The following HABP2 variants were observed in gnomAD, a reference collection of about 807,000 sequenced individuals.
The protein encoded by HABP2 is factor VII-activating protease.
A neutral mutation model predicts 66.5 loss-of-function variants in HABP2; 65 were observed. The observed-to-expected ratio is 0.98, with a 90% CI of 0.80 to 1.20. The LOEUF (loss-of-function observed/expected upper bound fraction) is 1.20, where lower values mean the gene tolerates loss of function less well. HABP2 is among the 50% of genes most tolerant of loss of function. The pLI, the probability that HABP2 is intolerant of heterozygous loss-of-function variation, is 0.00. For synonymous variants in HABP2, 263 were observed against 253.9 expected, an observed-to-expected ratio of 1.04 and a Z score of -0.34; for missense variants, 786 against 691.0, an observed-to-expected ratio of 1.14 and a Z score of -1.54.
At chr10:113,587,579 T>G (rs1564682856) in intron 12 of HABP2, among the ~76,000 whole-genome samples, 1 of 152,196 alleles carries the variant, frequency 6.6e-6, no homozygotes, top group Non-Finnish European at 1.5e-5. Context: ...TCAGTTGTAG[T>G]GTTTAAGCAG....
intron 12 of HABP2, among the ~76,000 whole-genome samples, chr10:113,587,700 TACAA>T (rs1845675975): frequency 1.3e-5 from 2 of 152,276 alleles, no homozygotes; most frequent in African/African-American, 2.4e-5. Context: ...CTATATACTT[TACAA>T]ACAATCTTCA....
rs1845571159 is a variant in HABP2 at position 113,583,155 on chromosome 10, C to A, written c.1095-61C>A. ...CTGAGTCTGCAGAAGGTCAGATTTGCCAAAGGCCACACAGCTGAGCAGAAA... is the reference window on the plus strand; with the variant it reads ...CTGAGTCTGCAGAAGGTCAGATTTGACAAAGGCCACACAGCTGAGCAGAAA... On this transcript the variant is annotated intron_variant, in intron 9 of 12. Coordinates refer to ENST00000351270, the MANE Select transcript of HABP2 (RefSeq NM_004132.5). 10 of 1,535,796 alleles carry A rather than the reference C, an allele frequency of 6.5e-6. No individual in the cohort carries two copies. The African/African-American group carries it at 8.3e-5, about 13-fold the overall frequency.
Position 113,589,439 on chromosome 10 carries a change from G to T in HABP2, c.*1070G>T. On this transcript the variant is annotated 3_prime_UTR_variant, in exon 13 of 13. Transcript: ENST00000351270. ...TAGCCCCGGTAGGTTTGCCTCTGCAGAACTAATGGCTGTGACTTCAGAGAA... is the reference window on the plus strand; with the variant it reads ...TAGCCCCGGTAGGTTTGCCTCTGCATAACTAATGGCTGTGACTTCAGAGAA... The T allele has an allele frequency of 1.6e-6, 1 of 608,844 alleles. No individual in the cohort carries two copies. The highest frequency in any genetic ancestry group is 2.8e-6 in the Non-Finnish European group (1 of 350,900). 37.7% of individuals were successfully genotyped at this position (608,844 alleles called of 1,614,324 possible). A position where few individuals can be genotyped will look rare whatever the true frequency, so the allele number is the denominator to read the frequency against.
At chr10:113,570,861 TA>T (rs1207538406) in intron 2 of HABP2, among the ~76,000 whole-genome samples, 1 of 152,226 alleles carries the variant, frequency 6.6e-6, no homozygotes, top group African/African-American at 2.4e-5. Flanking sequence ...ACTCTGGGGT[TA>T]AAAGAGGAAT....
At chr10:113,561,661 G>A (rs373052320) in intron 1 of HABP2, among the ~76,000 whole-genome samples, 8 of 152,062 alleles carry the variant, frequency 5.3e-5, no homozygotes, top group African/African-American at 1.9e-4. Flanking sequence ...ATTCGGAGCT[G>A]AGCCTCTGTC....
intron 1 of HABP2, among the ~76,000 whole-genome samples, chr10:113,553,917 T>C (rs1387329280): frequency 6.6e-6 from 1 of 152,110 alleles, no homozygotes; most frequent in Non-Finnish European, 1.5e-5. Flanking sequence ...TGGATCTCTG[T>C]GGGCATGGAA....
chr10:113,583,404 G>A, intron 10 of HABP2, 46 bp downstream of exon 10: 9 of 1,571,716 alleles, frequency 5.7e-6, no homozygotes, highest in Non-Finnish European at 7.9e-6. Context: ...GTCCTGGGTG[G>A]ATTTCTCTAT....
At chr10:113,570,323 TAAC>T (rs1845282193) in intron 2 of HABP2, among the ~76,000 whole-genome samples, 1 of 152,264 alleles carries the variant, frequency 6.6e-6, no homozygotes, top group Non-Finnish European at 1.5e-5. Context: ...CAACACATTA[TAAC>T]CTATTATTAG....
At chr10:113,569,760 T>C (rs1845269909) in intron 2 of HABP2, 1 of 152,046 alleles carries the variant, frequency 6.6e-6, no homozygotes, top group South Asian at 2.1e-4. Flanking sequence ...CCAGCGAGAG[T>C]GTCTGCTGGG....
chr10:113,588,945 T>C lies in HABP2; in HGVS notation c.*576T>C. ...GTCTCTGGTGAACAAACTTCCTCTC[T>C]GGCCTCTCAGGAATCAGGGTGGACA... is the stretch of plus-strand genomic sequence containing the variant. On this transcript the variant is annotated 3_prime_UTR_variant, in exon 13 of 13. Coordinates refer to ENST00000351270, the MANE Select transcript of HABP2 (RefSeq NM_004132.5). 1 of 1,560,670 alleles carries C rather than the reference T, an allele frequency of 6.4e-7. No homozygotes were observed. The highest frequency in any genetic ancestry group is 1.4e-5 in the African/African-American group (1 of 71,378).
At chr10:113,553,011 T>A, upstream of HABP2, 1 of 755,698 alleles carries the variant, frequency 1.3e-6, no homozygotes. Flanking sequence ...ATAATTTGCA[T>A]CCTCTTCATT....
intron 10 of HABP2, 117 bp downstream of exon 10, chr10:113,583,475 C>T (rs1446491452): frequency 1.2e-6 from 1 of 849,774 alleles, no homozygotes; most frequent in African/African-American, 1.7e-5. Context: ...TCCCTGTGGA[C>T]CCTGTGCGGT....
chr10:113,578,814 T>C lies in HABP2; in HGVS notation c.740+16T>C. 1 of 1,553,472 alleles carries C rather than the reference T, an allele frequency of 6.4e-7. No homozygotes were observed. The highest frequency in any genetic ancestry group is 8.9e-7 in the Non-Finnish European group (1 of 1,126,280). ...ATTTCTGCAGGTAACATTTACCTTATTTATGCTCAGTTGATTTTGGTCACT... is the reference window on the plus strand; with the variant it reads ...ATTTCTGCAGGTAACATTTACCTTACTTATGCTCAGTTGATTTTGGTCACT... On this transcript the variant is annotated intron_variant, in intron 7 of 12. Transcript: ENST00000351270.
At chr10:113,560,055 A>G (rs1845073270) in intron 1 of HABP2, among the ~76,000 whole-genome samples, 1 of 152,224 alleles carries the variant, frequency 6.6e-6, no homozygotes, top group Non-Finnish European at 1.5e-5. Context: ...CTCCTGGCTC[A>G]TCACTGTGGT....
In HABP2 at chr10:113,578,051, C is replaced by A. The variant is rs1012442730; in HGVS notation, c.474C>A (p.Pro158=). The A allele has an allele frequency of 4.3e-6, 7 of 1,614,096 alleles. No individual in the cohort carries two copies. In the African/African-American group the frequency reaches 9.3e-5, roughly 22 times the overall value. ...SQVVPVCRPN[P]CQNGATCSRH... Reference sequence around the variant, plus strand: ...TGGTTCCTGTATGCAGGCCAAACCCCTGCCAGAATGGGGCTACCTGCTCCC... The same window carrying A: ...TGGTTCCTGTATGCAGGCCAAACCCATGCCAGAATGGGGCTACCTGCTCCC... The change falls in exon 6 of 13, where the codon CCC becomes CCA. Residue 158 remains proline (P), a synonymous_variant. Coordinates refer to ENST00000351270, the MANE Select transcript of HABP2 (RefSeq NM_004132.5).
At chr10:113,565,230 T>G (rs1845177422) in intron 1 of HABP2, among the ~76,000 whole-genome samples, 1 of 152,244 alleles carries the variant, frequency 6.6e-6, no homozygotes, top group Non-Finnish European at 1.5e-5. Context: ...CACAATAATA[T>G]TGTCTAATAT....
In HABP2 at chr10:113,553,554, C is replaced by G. The variant is rs538404323; in HGVS notation, c.69+364C>G. 1.1e-4 allele frequency among the ~76,000 whole-genome samples: 16 copies of G among 152,330 alleles called. No individual in the cohort carries two copies. The East Asian group carries it at 2.5e-3, about 24-fold the overall frequency. On this transcript the variant is annotated intron_variant, in intron 1 of 12. Transcript: ENST00000351270. Reference sequence around the variant, plus strand: ...TCTCTCCCCAGGAAAATATACCTATCTATTGGTGCTGACACACACAGTTTT... The same window carrying G: ...TCTCTCCCCAGGAAAATATACCTATGTATTGGTGCTGACACACACAGTTTT...
At chr10:113,574,465 G>A (rs955526859) in intron 3 of HABP2, 60 bp downstream of exon 3, 2 of 806,112 alleles carry the variant, frequency 2.5e-6, no homozygotes, top group South Asian at 2.9e-5. Context: ...GAGTGTATGT[G>A]GGACCACATG....
intron 1 of HABP2, among the ~76,000 whole-genome samples, chr10:113,560,316 A>T (rs1845077771): frequency 6.6e-6 from 1 of 152,226 alleles, no homozygotes; most frequent in Non-Finnish European, 1.5e-5. Context: ...ACCTATTAGG[A>T]TGGCTCACTT....
Sources: allele counts gnomAD v4.1 joint callset (sites outside exome capture counted in the v4.1 genomes callset), GRCh38; gene constraint gnomAD v4.1.1; transcripts MANE v1.5; gene names NCBI Gene and HGNC (gene_info 2026-07-23, HGNC 2026-07-21).